The following NSFL1C variants were observed in gnomAD, a reference collection of about 807,000 sequenced individuals.
NSFL1C encodes the protein NSFL1 cofactor.
In NSFL1C, 14 loss-of-function variants were observed where a neutral mutation model predicts 43.1. The observed-to-expected ratio is 0.32, with a 90% CI of 0.21 to 0.51. The LOEUF (loss-of-function observed/expected upper bound fraction) is 0.51. NSFL1C is among the 20% of genes least tolerant of loss of function. NSFL1C has a pLI of 0.98. For synonymous variants in NSFL1C, 171 were observed against 183.5 expected (o/e 0.93, Z 0.55); for missense variants, 406 against 472.5 (o/e 0.86, Z 1.30).
At chr20:1,448,422 G>T (rs2090116023) in intron 7 of NSFL1C, among the ~76,000 whole-genome samples, 1 of 152,196 alleles carries the variant, frequency 6.6e-6, no homozygotes, top group African/African-American at 2.4e-5. Context: ...TGCACGCAAG[G>T]CCTGGTATTT....
In NSFL1C at chr20:1,455,028, T is replaced by C; in HGVS notation, c.383A>G (p.Glu128Gly). The C allele has an allele frequency of 6.2e-7, 1 of 1,614,138 alleles. No individual in the cohort carries two copies. The highest frequency in any genetic ancestry group is 1.1e-5 in the South Asian group (1 of 91,070). ...LVDDLFKGAK[E>G]HGAVAVERVT... is the part of the protein sequence containing the mutation. ...TCGCTCCACAGCTACAGCTCCATGCTCTTTGGCACCTTTAAAGAGATCATC... is the reference window on the plus strand; with the variant it reads ...TCGCTCCACAGCTACAGCTCCATGCCCTTTGGCACCTTTAAAGAGATCATC... Residue 128 changes from glutamate (E) to glycine (G), a missense_variant, in exon 4 of 9, where the codon GAG becomes GGG. Glu to Gly is a moderately conservative substitution (Grantham distance 98). This residue lies in a region of NSFL1C where 203 missense variants were observed against 216.3 expected (regional missense o/e 0.94). Transcript: ENST00000216879.
intron 3 of NSFL1C, chr20:1,455,679 T>C: frequency 1.3e-6 from 1 of 779,686 alleles, no homozygotes. Flanking sequence ...TCCTTGTCTT[T>C]GAAACGGGAG....
intron 5 of NSFL1C, 148 bp from the exon 6 acceptor site, chr20:1,453,288 C>G (rs1465880328): frequency 3.3e-6 from 2 of 597,420 alleles, no homozygotes; most frequent in Non-Finnish European, 6.1e-6. Context: ...GCACAAGCAA[C>G]TCAACAAGCA....
At chr20:1,446,003 C>G in intron 7 of NSFL1C, 173 bp from the exon 8 acceptor site, 1 of 653,542 alleles carries the variant, frequency 1.5e-6, no homozygotes, top group South Asian at 1.9e-5. Flanking sequence ...ACAGGTCCAG[C>G]AGAATTCACT....
chr20:1,444,510 T>C (rs1269003869), intron 8 of NSFL1C, among the ~76,000 whole-genome samples: 1 of 152,238 alleles, frequency 6.6e-6, no homozygotes, highest in Non-Finnish European at 1.5e-5. Context: ...CTCCAGACAC[T>C]ACCTGCCTTC....
In NSFL1C at chr20:1,443,676, G is replaced by A; in HGVS notation, c.*73C>T. 6 of 1,535,946 alleles carry A rather than the reference G, an allele frequency of 3.9e-6. No individual in the cohort carries two copies. The highest frequency in any genetic ancestry group is 5.4e-6 in the Non-Finnish European group (6 of 1,115,424). Reference sequence around the variant, plus strand: ...GCTGGGTGTGCACAAGGGGGCAGGAGGGGCGATCCCCATGGGGCATGGCCA... The same window carrying A: ...GCTGGGTGTGCACAAGGGGGCAGGAAGGGCGATCCCCATGGGGCATGGCCA... On this transcript the variant is annotated 3_prime_UTR_variant, in exon 9 of 9. Coordinates refer to ENST00000216879, the MANE Select transcript of NSFL1C (RefSeq NM_016143.5).
At chr20:1,445,931 G>C (rs1460242784) in intron 7 of NSFL1C, 101 bp from the exon 8 acceptor site, 5 of 1,268,540 alleles carry the variant, frequency 3.9e-6, no homozygotes, top group Non-Finnish European at 5.6e-6. Flanking sequence ...AATGCGCCTG[G>C]CATTGTTTGG....
In NSFL1C at chr20:1,452,394, C is replaced by A. The variant is rs536930723; in HGVS notation, c.785+99G>T. On this transcript the variant is annotated intron_variant, in intron 7 of 8. Transcript: ENST00000216879. The stretch of plus-strand genomic sequence containing the variant: ...AATAAAATTTGAAGTATTTTGTAAA[C>A]AGTAAAGAGCTAATAACCAAAGTGA... 2.8e-4 allele frequency: 398 copies of A among 1,441,096 alleles called. 3 individuals are homozygous for A. In the South Asian group the frequency reaches 5.2e-3, roughly 19 times the overall value. The allele number at this position is 1,441,096 out of a possible 1,614,324, so 89.3% of individuals were successfully genotyped here.
chr20:1,455,762 AAAG>A, intron 3 of NSFL1C: 1 of 779,086 alleles, frequency 1.3e-6, no homozygotes, highest in Non-Finnish European at 2.4e-6. Context: ...GATGTATGCA[AAAG>A]AACAAGCACA....
intron 1 of NSFL1C, among the ~76,000 whole-genome samples, chr20:1,466,355 G>T (rs1222340819): frequency 6.6e-6 from 1 of 152,224 alleles, no homozygotes; most frequent in East Asian, 1.9e-4. Flanking sequence ...TCCCGAGTGG[G>T]GCTTCACCCA....
intron 7 of NSFL1C, 73 bp downstream of exon 7, chr20:1,452,420 G>A (rs2090199890): frequency 1.9e-6 from 3 of 1,556,426 alleles, no homozygotes; most frequent in East Asian, 4.5e-5. Context: ...ACCAAAGTGA[G>A]TGATACACAG....
intron 8 of NSFL1C, 50 bp from the exon 9 acceptor site, chr20:1,443,961 C>A (rs370928933): frequency 1.9e-6 from 3 of 1,560,984 alleles, no homozygotes; most frequent in African/African-American, 2.7e-5. Flanking sequence ...GCTGTCCATA[C>A]CCCTGCCCTG....
intron 3 of NSFL1C, chr20:1,456,560 C>T (rs565990483): frequency 3.3e-5 from 5 of 152,180 alleles, no homozygotes; most frequent in East Asian, 1.9e-4. Flanking sequence ...TCTGACAGAC[C>T]GAGGCAGATC....
chr20:1,466,591 A>G, intron 1 of NSFL1C, 129 bp downstream of exon 1: 2 of 842,080 alleles, frequency 2.4e-6, no homozygotes, highest in Admixed American at 2.8e-5. Flanking sequence ...TCCCGGGACC[A>G]TGAGGCCTGG....
intron 2 of NSFL1C, among the ~76,000 whole-genome samples, chr20:1,462,449 C>A (rs1002146384): frequency 2.6e-5 from 4 of 152,124 alleles, no homozygotes; most frequent in Admixed American, 1.3e-4. Context: ...GCCTCTTGGA[C>A]CAAATGTGCG....
intron 3 of NSFL1C, 119 bp downstream of exon 3, chr20:1,458,081 C>T (rs1163699011): frequency 1.9e-5 from 16 of 824,138 alleles, no homozygotes; most frequent in Non-Finnish European, 3.2e-5. Flanking sequence ...ACAGACCAGC[C>T]CACAGTAGTA....
chr20:1,454,079 C>A, intron 5 of NSFL1C, 134 bp downstream of exon 5: 1 of 690,872 alleles, frequency 1.4e-6, no homozygotes, highest in Admixed American at 2.6e-5. Flanking sequence ...TGTTCGTGAA[C>A]CACAGCAAGG....
intron 3 of NSFL1C, 42 bp downstream of exon 3, chr20:1,458,158 T>G: frequency 6.7e-7 from 1 of 1,495,134 alleles, no homozygotes; most frequent in Non-Finnish European, 9.3e-7. Flanking sequence ...TACCCTGGAC[T>G]TCCCTGTGAA....
At chr20:1,459,905 C>T (rs1245213792) in intron 2 of NSFL1C, among the ~76,000 whole-genome samples, 2 of 152,210 alleles carry the variant, frequency 1.3e-5, no homozygotes. Flanking sequence ...TATTTTCTAT[C>T]TCCCTGTTGT....
Sources: gnomAD v4.1 joint callset for allele counts (sites outside exome capture counted in the v4.1 genomes callset) on GRCh38, gnomAD v4.1.1 for gene constraint, gnomAD v4.1.1 regional missense constraint, MANE v1.5 for transcripts, NCBI Gene and HGNC (gene_info 2026-07-23, HGNC 2026-07-21) for gene names.